Variants in RGS6 observed in about 807,000 individuals in gnomAD.
The protein encoded by RGS6 is regulator of G-protein signaling 6.
A neutral mutation model predicts 78.5 loss-of-function variants in RGS6; 30 were observed. That is an observed-to-expected ratio of 0.38 (90% CI 0.29 to 0.52). RGS6 has a LOEUF of 0.52. Ranked by LOEUF, RGS6 falls within the 20% of genes least tolerant of loss-of-function variation. The pLI, the probability that RGS6 is intolerant of heterozygous loss-of-function variation, is 0.85. For missense variants in RGS6, 495 were observed against 609.7 expected, an observed-to-expected ratio of 0.81 and a Z score of 1.98; for synonymous variants, 206 against 206.0, an observed-to-expected ratio of 1.00 and a Z score of 0.00.
chr14:72,132,781 G>C (rs151106854), intron 2 of RGS6, among the ~76,000 whole-genome samples: 1 of 132,646 alleles, frequency 7.5e-6, no homozygotes. Flanking sequence ...TTTGTTTGTC[G>C]TTTTTTTTTT....
chr14:71,871,411 T>G, the RGS6 span, among the ~76,000 whole-genome samples: 1 of 152,164 alleles, frequency 6.6e-6, no homozygotes, highest in Non-Finnish European at 1.5e-5. Flanking sequence ...CCAAATGATT[T>G]CCATATTCTT....
At chr14:72,217,447 T>A (rs2045861377) in intron 2 of RGS6, among the ~76,000 whole-genome samples, 1 of 152,174 alleles carries the variant, frequency 6.6e-6, no homozygotes, top group African/African-American at 2.4e-5. Flanking sequence ...AAAATGCACA[T>A]CCTAGGGCTT....
At chr14:72,311,352 C>T (rs2068562735) in intron 2 of RGS6, among the ~76,000 whole-genome samples, 1 of 152,124 alleles carries the variant, frequency 6.6e-6, no homozygotes. Flanking sequence ...AAATAACTCA[C>T]CAGCAAGAAC....
At chr14:72,187,981 TCTC>T (rs1275877561) in intron 2 of RGS6, among the ~76,000 whole-genome samples, 18 of 152,222 alleles carry the variant, frequency 1.2e-4, no homozygotes, top group African/African-American at 4.1e-4. Context: ...TGTAAACAAC[TCTC>T]CTTTTTGTGG....
At chr14:72,607,368 C>A in the RGS6 span, among the ~76,000 whole-genome samples, 1 of 152,192 alleles carries the variant, frequency 6.6e-6, no homozygotes, top group African/African-American at 2.4e-5. Context: ...CATGGACAGC[C>A]ACCTTCTCAC....
intron 2 of RGS6, among the ~76,000 whole-genome samples, chr14:72,165,609 G>A (rs973839042): frequency 3.9e-5 from 6 of 152,132 alleles, no homozygotes; most frequent in Non-Finnish European, 8.8e-5. Context: ...CTTTGTGCTT[G>A]GACATCTTTC....
At chr14:72,284,108 A>G (rs1337869007) in intron 2 of RGS6, among the ~76,000 whole-genome samples, 2 of 152,340 alleles carry the variant, frequency 1.3e-5, no homozygotes, top group African/African-American at 4.8e-5. Context: ...ACCATTCAAG[A>G]TGTGAGTTTG....
At chr14:71,965,802 G>A (rs1302521553) in intron 2 of RGS6, among the ~76,000 whole-genome samples, 1 of 152,108 alleles carries the variant, frequency 6.6e-6, no homozygotes, top group Non-Finnish European at 1.5e-5. Flanking sequence ...AGGAGGGAAA[G>A]GAGAGACACT....
chr14:72,307,667 T>G lies in RGS6; in HGVS notation c.85-44428T>G, dbSNP rs192755344. Among the ~76,000 whole-genome samples the G allele has an allele frequency of 5.8e-3, 884 of 152,190 alleles. 8 individuals are homozygous for G. Among genetic ancestry groups the G allele is most frequent in the African/African-American group, 0.019 (802 of 41,570 alleles). ...TTATATATTTAAAATGTTTTAATAT[T>G]GATTATTATGTATATTTGTCTTTTC... On this transcript the variant is annotated intron_variant, in intron 2 of 17. Coordinates refer to ENST00000553525, the MANE Select transcript of RGS6 (RefSeq NM_001204424.2).
chr14:72,187,929 A>G (rs373013898), intron 2 of RGS6, among the ~76,000 whole-genome samples: 1 of 152,208 alleles, frequency 6.6e-6, no homozygotes, highest in Admixed American at 6.5e-5. Context: ...TTCTAGTTGA[A>G]GTTAAACCAG....
intron 2 of RGS6, among the ~76,000 whole-genome samples, chr14:72,302,681 TACACAC>T (rs34627833): frequency 1.4e-5 from 2 of 147,768 alleles, no homozygotes; most frequent in Non-Finnish European, 3.0e-5. Flanking sequence ...CACATACACA[TACACAC>T]ACACACACAC....
chr14:72,244,229 T>C (rs577366153), intron 2 of RGS6, among the ~76,000 whole-genome samples: 2 of 150,548 alleles, frequency 1.3e-5, no homozygotes, highest in African/African-American at 2.4e-5. Context: ...TCCCAGCCCC[T>C]GCCCCATGCT....
chr14:72,156,678 T>C (rs2096777033), intron 2 of RGS6, among the ~76,000 whole-genome samples: 1 of 151,918 alleles, frequency 6.6e-6, no homozygotes, highest in Non-Finnish European at 1.5e-5. Flanking sequence ...CTCTAGCAAA[T>C]AAGATGAGAT....
chr14:72,132,968 G>A (rs1415121790), intron 2 of RGS6, among the ~76,000 whole-genome samples: 2 of 152,000 alleles, frequency 1.3e-5, no homozygotes, highest in Non-Finnish European at 1.5e-5. Flanking sequence ...TTTAAATCAC[G>A]GTGGTTTATT....
At chr14:71,946,031 T>G (rs2091460009) in intron 1 of RGS6, among the ~76,000 whole-genome samples, 1 of 152,214 alleles carries the variant, frequency 6.6e-6, no homozygotes, top group Non-Finnish European at 1.5e-5. Context: ...ATTATTTTGC[T>G]GACCATACAT....
the RGS6 span, among the ~76,000 whole-genome samples, chr14:71,915,966 C>T: frequency 6.6e-6 from 1 of 152,144 alleles, no homozygotes; most frequent in African/African-American, 2.4e-5. Flanking sequence ...CGTCTGCAAG[C>T]CAAGGAGAGA....
intron 3 of RGS6, among the ~76,000 whole-genome samples, chr14:72,423,059 G>A (rs1277476455): frequency 6.7e-6 from 1 of 149,510 alleles, no homozygotes; most frequent in East Asian, 1.9e-4. Context: ...GGGCCTGACA[G>A]GTGGCCACAC....
chr14:71,949,026 A>G (rs1462976554), intron 1 of RGS6, among the ~76,000 whole-genome samples: 1 of 152,176 alleles, frequency 6.6e-6, no homozygotes, highest in Non-Finnish European at 1.5e-5. Flanking sequence ...TTATTACTAT[A>G]TAGTATTCTA....
chr14:71,999,963 A>T (rs1202169005), intron 2 of RGS6, among the ~76,000 whole-genome samples: 1 of 152,104 alleles, frequency 6.6e-6, no homozygotes, highest in Non-Finnish European at 1.5e-5. Context: ...ACTGCAAGAG[A>T]AGTTTAGGAA....
Sources: gnomAD v4.1 joint callset for allele counts (sites outside exome capture counted in the v4.1 genomes callset) on GRCh38, gnomAD v4.1.1 for gene constraint, MANE v1.5 for transcripts, NCBI Gene and HGNC (gene_info 2026-07-23, HGNC 2026-07-21) for gene names.